Variants in TFEC observed in about 807,000 individuals in gnomAD.
TFEC encodes transcription factor EC.
In TFEC, 31 loss-of-function variants were observed where a neutral mutation model predicts 41.6. That is an observed-to-expected ratio of 0.74 (90% CI 0.56 to 1.01). The LOEUF (loss-of-function observed/expected upper bound fraction) is 1.01. TFEC is among the 50% of genes least tolerant of loss of function. TFEC has a pLI of 0.00. For missense variants in TFEC, 402 were observed against 404.1 expected (o/e 0.99, Z 0.04); for synonymous variants, 143 against 140.6 (o/e 1.02, Z -0.12).
chr7:115,991,545 T>C (rs1490218978), intron 1 of TFEC, among the ~76,000 whole-genome samples: 1 of 150,990 alleles, frequency 6.6e-6, no homozygotes, highest in Admixed American at 6.6e-5. Context: ...ACCAAGCAAA[T>C]GGAAAACAAA....
At chr7:115,949,766 T>A (rs1010594863) in intron 6 of TFEC, among the ~76,000 whole-genome samples, 9 of 152,008 alleles carry the variant, frequency 5.9e-5, no homozygotes, top group Non-Finnish European at 1.2e-4. Flanking sequence ...AACCTAGGCA[T>A]TACCATTCAG....
At chr7:116,122,108 T>C (rs1048563950) in intron 1 of TFEC, among the ~76,000 whole-genome samples, 5 of 152,008 alleles carry the variant, frequency 3.3e-5, no homozygotes, top group African/African-American at 1.2e-4. Context: ...GTTGTTACAA[T>C]TGCAAGGGTT....
intron 1 of TFEC, among the ~76,000 whole-genome samples, chr7:116,015,060 T>C (rs1795138773): frequency 6.6e-6 from 1 of 151,146 alleles, no homozygotes; most frequent in Non-Finnish European, 1.5e-5. Context: ...ACAGCAGCAA[T>C]AGAAAACTAA....
intron 3 of TFEC, among the ~76,000 whole-genome samples, chr7:116,093,088 T>C (rs963294578): frequency 5.3e-5 from 8 of 152,156 alleles, no homozygotes; most frequent in Admixed American, 3.3e-4. Context: ...TGAGTACCTA[T>C]TGAGTTAATA....
At chr7:116,001,396 G>A (rs1584674328) in intron 1 of TFEC, among the ~76,000 whole-genome samples, 5 of 151,970 alleles carry the variant, frequency 3.3e-5, no homozygotes, top group Admixed American at 3.3e-4. Context: ...TCGGGAGGCT[G>A]AGGCAGGAAA....
chr7:115,965,266 C>T (rs1054131827), intron 3 of TFEC, among the ~76,000 whole-genome samples: 1 of 151,648 alleles, frequency 6.6e-6, no homozygotes, highest in South Asian at 2.1e-4. Context: ...TTTCCTACCT[C>T]TTCAGGCTTA....
chr7:116,039,713 T>C (rs1340630495), intron 3 of TFEC, among the ~76,000 whole-genome samples: 16 of 151,974 alleles, frequency 1.1e-4, no homozygotes. Context: ...AAGAAATGAG[T>C]TAAAATATTT....
intron 1 of TFEC, among the ~76,000 whole-genome samples, chr7:116,138,050 T>A (rs1266220055): frequency 2.3e-4 from 35 of 152,136 alleles, no homozygotes; most frequent in Non-Finnish European, 8.8e-5. Context: ...TTTCCTCAGG[T>A]TATATACCTA....
chr7:116,119,923 T>G (rs1798074236), intron 1 of TFEC, among the ~76,000 whole-genome samples: 2 of 150,702 alleles, frequency 1.3e-5, no homozygotes, highest in East Asian at 1.9e-4. Context: ...TGGTTCAGAA[T>G]AGTTAATTAC....
chr7:116,146,822 T>A (rs1798650578), intron 1 of TFEC, among the ~76,000 whole-genome samples: 1 of 152,080 alleles, frequency 6.6e-6, no homozygotes, highest in South Asian at 2.1e-4. Context: ...GCCTACAAAA[T>A]GAGTTTACCT....
At chr7:116,141,237 T>C (rs571672970) in intron 1 of TFEC, among the ~76,000 whole-genome samples, 24 of 152,326 alleles carry the variant, frequency 1.6e-4, no homozygotes, top group African/African-American at 5.8e-4. Flanking sequence ...TTAAATTGCG[T>C]GAGCAATTTT....
At chr7:115,946,509 G>A (rs1584555770) in intron 6 of TFEC, among the ~76,000 whole-genome samples, 1 of 150,614 alleles carries the variant, frequency 6.6e-6, no homozygotes, top group East Asian at 2.0e-4. Flanking sequence ...TTGAAATCCT[G>A]GGTTCAAGTG....
chr7:115,984,584 T>C lies in TFEC; in HGVS notation c.-72-71A>G, dbSNP rs534350934. ...GAAATTAGAGTTCTCCTTTCCACAA[T>C]TGCACTAGGATAATAAACACACTAC... On this transcript the variant is annotated intron_variant, in intron 1 of 7. Transcript: ENST00000265440. 801 of 1,528,672 alleles carry C rather than the reference T, an allele frequency of 5.2e-4. 1 individual carries two copies. Among genetic ancestry groups the C allele is most frequent in the Middle Eastern group, 3.7e-3 (21 of 5,718 alleles). The allele number at this position is 1,528,672 out of a possible 1,614,324, so 94.7% of individuals were successfully genotyped here.
chr7:115,966,798 C>G (rs1042560036), intron 3 of TFEC, among the ~76,000 whole-genome samples: 1 of 151,710 alleles, frequency 6.6e-6, no homozygotes, highest in Non-Finnish European at 1.5e-5. Context: ...TTCTGCACTA[C>G]CAATGTCCCC....
At chr7:115,992,577 A>ACCT (rs1486101769) in intron 1 of TFEC, among the ~76,000 whole-genome samples, 2 of 150,914 alleles carry the variant, frequency 1.3e-5, no homozygotes, top group South Asian at 2.1e-4. Context: ...TACTATAAAA[A>ACCT]CTATGCAAAT....
intron 1 of TFEC, among the ~76,000 whole-genome samples, chr7:116,030,144 T>A (rs1014024138): frequency 6.6e-6 from 1 of 152,186 alleles, no homozygotes; most frequent in Non-Finnish European, 1.5e-5. Context: ...AAAATAGGAA[T>A]TAATTTTTAG....
At chr7:116,079,932 A>G (rs1295147846) in intron 3 of TFEC, among the ~76,000 whole-genome samples, 1 of 152,166 alleles carries the variant, frequency 6.6e-6, no homozygotes, top group Non-Finnish European at 1.5e-5. Context: ...TTCAAAAGGT[A>G]CTACAAGGCC....
At chr7:116,032,941 C>T (rs913390807), upstream of TFEC, among the ~76,000 whole-genome samples, 1 of 151,854 alleles carries the variant, frequency 6.6e-6, no homozygotes, top group African/African-American at 2.4e-5. Context: ...TACTACTTGC[C>T]ACAAAATAAT....
At chr7:115,952,874 C>G (rs1792020622) in intron 5 of TFEC, among the ~76,000 whole-genome samples, 1 of 152,122 alleles carries the variant, frequency 6.6e-6, no homozygotes, top group African/African-American at 2.4e-5. Flanking sequence ...CCTCTCTCCA[C>G]TCAGCAAGGC....
Sources: gnomAD v4.1 joint callset for allele counts (sites outside exome capture counted in the v4.1 genomes callset) on GRCh38, gnomAD v4.1.1 for gene constraint, MANE v1.5 for transcripts, NCBI Gene and HGNC (gene_info 2026-07-23, HGNC 2026-07-21) for gene names.